PRRG2: variants seen among roughly 807,000 people sequenced by gnomAD.
The protein encoded by PRRG2 is transmembrane gamma-carboxyglutamic acid protein 2.
A neutral mutation model predicts 27.1 loss-of-function variants in PRRG2; 23 were observed. That is an observed-to-expected ratio of 0.85 (90% CI 0.61 to 1.20). The LOEUF (loss-of-function observed/expected upper bound fraction) is 1.20, where lower values mean the gene tolerates loss of function less well. PRRG2 is among the 50% of genes most tolerant of loss of function. The pLI is 0.00. For missense variants in PRRG2, 276 were observed against 254.8 expected, an observed-to-expected ratio of 1.08 and a Z score of -0.57; for synonymous variants, 104 against 103.4, an observed-to-expected ratio of 1.01 and a Z score of -0.03.
At chr19:49,586,471 A>C (rs1599776630) in intron 4 of PRRG2, among the ~76,000 whole-genome samples, 2 of 148,760 alleles carry the variant, frequency 1.3e-5, no homozygotes, top group South Asian at 4.3e-4. Context: ...TGTAGCCTTG[A>C]CCTCCTTGGG....
Position 49,590,947 on chromosome 19 carries a change from G to T in PRRG2, c.*558G>T. ...TGTTCCCCTAAATAAAAACCCTTCG[G>T]AAAGGAGACCAAAAAAAGCAGAAAT... On this transcript the variant is annotated 3_prime_UTR_variant, in exon 7 of 7. Transcript: ENST00000246794. The T allele has an allele frequency of 6.5e-6, 1 of 154,170 alleles. No homozygotes were observed. The highest frequency in any genetic ancestry group is 1.4e-5 in the Non-Finnish European group (1 of 69,120). 9.6% of individuals were successfully genotyped at this position (154,170 alleles called of 1,614,324 possible). A position where few individuals can be genotyped will look rare whatever the true frequency, so the allele number is the denominator to read the frequency against.
intron 4 of PRRG2, among the ~76,000 whole-genome samples, chr19:49,584,898 G>C (rs1435228433): frequency 6.6e-6 from 1 of 152,196 alleles, no homozygotes; most frequent in African/African-American, 2.4e-5. Flanking sequence ...TCCAGAGTAA[G>C]TGGAAAGACC....
chr19:49,590,337 T>G (rs1038385411), intron 6 of PRRG2, 34 bp from the exon 7 acceptor site: 2 of 1,613,994 alleles, frequency 1.2e-6, no homozygotes, highest in East Asian at 2.2e-5. Flanking sequence ...AACAGCCAGA[T>G]CTTTGACTCC....
chr19:49,588,971 C>T (rs1246076180), intron 5 of PRRG2, among the ~76,000 whole-genome samples: 1 of 151,948 alleles, frequency 6.6e-6, no homozygotes, highest in Admixed American at 6.6e-5. Flanking sequence ...GTCTTGGTGT[C>T]TGTGGTATGT....
rs116250452 is a variant in PRRG2, at chr19:49,586,239, G to A, written c.302-2258G>A. Among the ~76,000 whole-genome samples, 531 of 151,488 alleles carry A rather than the reference G, an allele frequency of 3.5e-3. 3 individuals carry two copies. The highest frequency in any genetic ancestry group is 0.012 in the African/African-American group (510 of 41,294). On this transcript the variant is annotated intron_variant, in intron 4 of 6. Coordinates refer to ENST00000246794, the MANE Select transcript of PRRG2 (RefSeq NM_000951.3). The stretch of plus-strand genomic sequence containing the variant: ...TGGGATTACAGGCATGCACCACCAC[G>A]CCCAGATACTTAAAATTTTTTTTGT...
rs1304735433 is a variant in PRRG2 at position 49,588,480 on chromosome 19, T to C, written c.302-17T>C. 6.3e-7 allele frequency: 1 copy of C among 1,584,784 alleles called. No homozygotes were observed. The highest frequency in any genetic ancestry group is 1.8e-5 in the Admixed American group (1 of 55,500). On this transcript the variant is annotated splice_polypyrimidine_tract_variant and intron_variant, in intron 4 of 6. Coordinates refer to ENST00000246794, the MANE Select transcript of PRRG2 (RefSeq NM_000951.3). ...CAGTCCCCGAGACAGTGTCTCCCCT[T>C]CCCTACTTTCCTGCAGGGCGTGGAC...
At chr19:49,587,573 C>A (rs1232703278) in intron 4 of PRRG2, among the ~76,000 whole-genome samples, 14 of 150,984 alleles carry the variant, frequency 9.3e-5, no homozygotes. Context: ...AAAACATCTG[C>A]CTCCTGGGTT....
At position 49,587,106 on chromosome 19, in the gene PRRG2, C is replaced by T. The variant is rs575458496; in HGVS notation, c.302-1391C>T. On this transcript the variant is annotated intron_variant, in intron 4 of 6. Coordinates refer to ENST00000246794, the MANE Select transcript of PRRG2 (RefSeq NM_000951.3). Reference sequence around the variant, plus strand: ...CTGGAGACCAAGTGGCAGTAAGCCGCGATTGTGCCACTGCACTCCATACAG... The same window carrying T: ...CTGGAGACCAAGTGGCAGTAAGCCGTGATTGTGCCACTGCACTCCATACAG... Among the ~76,000 whole-genome samples the T allele has an allele frequency of 9.3e-5, 14 of 150,542 alleles. 1 individual carries two copies. Among genetic ancestry groups the T allele is most frequent in the East Asian group, 1.9e-4 (1 of 5,130 alleles).
chr19:49,583,984 T>C (rs1327139912), intron 4 of PRRG2, 32 bp downstream of exon 4: 2 of 1,602,738 alleles, frequency 1.2e-6, no homozygotes, highest in East Asian at 4.5e-5. Context: ...TCTTGTTCTG[T>C]GCAGCTAAGG....
chr19:49,584,174 T>C (rs899397119), intron 4 of PRRG2, among the ~76,000 whole-genome samples: 2 of 141,430 alleles, frequency 1.4e-5, no homozygotes, highest in African/African-American at 5.1e-5. Flanking sequence ...TTATTTTTGC[T>C]TTTTTTTTTT....
Position 49,590,664 on chromosome 19 carries a change from C to T in PRRG2, c.*275C>T. ...TGGTCAGTTCCGCCCCCGTGGTAGGCAGACGCGCGGGGAAATTCGGACCCA... is the reference window on the plus strand; with the variant it reads ...TGGTCAGTTCCGCCCCCGTGGTAGGTAGACGCGCGGGGAAATTCGGACCCA... On this transcript the variant is annotated 3_prime_UTR_variant, in exon 7 of 7. Transcript: ENST00000246794. 1.9e-6 allele frequency: 1 copy of T among 515,892 alleles called. No individual in the cohort carries two copies. Among genetic ancestry groups the T allele is most frequent in the Non-Finnish European group, 3.4e-6 (1 of 290,162 alleles). 32.0% of individuals were successfully genotyped at this position (515,892 alleles called of 1,614,324 possible). A position where few individuals can be genotyped will look rare whatever the true frequency, so the allele number is the denominator to read the frequency against.
chr19:49,586,299 G>A (rs1000261389), intron 4 of PRRG2, among the ~76,000 whole-genome samples: 5 of 151,062 alleles, frequency 3.3e-5, no homozygotes, highest in East Asian at 2.0e-4. Context: ...TGTTGTCTAC[G>A]CTGCTCTCGA....
chr19:49,589,790 G>T (rs560880375), intron 5 of PRRG2, 110 bp from the exon 6 acceptor site: 42 of 1,252,920 alleles, frequency 3.4e-5, no homozygotes, highest in African/African-American at 2.9e-5. Context: ...CTCCCTTCCA[G>T]CTCTGTCCCA....
chr19:49,586,759 G>A (rs1170027636), intron 4 of PRRG2, among the ~76,000 whole-genome samples: 1 of 152,206 alleles, frequency 6.6e-6, no homozygotes, highest in Non-Finnish European at 1.5e-5. Flanking sequence ...GCTGAGGCAG[G>A]AGAATTGCTT....
intron 6 of PRRG2, 110 bp downstream of exon 6, chr19:49,590,162 C>A (rs1457148578): frequency 1.6e-6 from 2 of 1,258,936 alleles, no homozygotes; most frequent in African/African-American, 3.1e-5. Context: ...TTACCTGGGG[C>A]GGGGCTTGGA....
chr19:49,587,479 ATTT>A (rs1258876937), intron 4 of PRRG2, among the ~76,000 whole-genome samples: 3 of 114,642 alleles, frequency 2.6e-5, no homozygotes, highest in Non-Finnish European at 1.7e-5. Flanking sequence ...AGCCTGGTTA[ATTT>A]TTTTTTTTTT....
In PRRG2 at chr19:49,590,642, T is replaced by C. The variant is rs2080714281; in HGVS notation, c.*253T>C. The C allele has an allele frequency of 5.3e-6, 3 of 564,954 alleles. No individual in the cohort carries two copies. The South Asian group carries it at 6.6e-5, about 12-fold the overall frequency. The allele number at this position is 564,954 out of a possible 1,614,324, so 35.0% of individuals were successfully genotyped here. A position where few individuals can be genotyped will look rare whatever the true frequency, so the allele number is the denominator to read the frequency against. ...ACTCTCCTGACCGTGAGGGCACTGG[T>C]CAGTTCCGCCCCCGTGGTAGGCAGA... is the stretch of plus-strand genomic sequence containing the variant. On this transcript the variant is annotated 3_prime_UTR_variant, in exon 7 of 7. Coordinates refer to ENST00000246794, the MANE Select transcript of PRRG2 (RefSeq NM_000951.3).
Position 49,590,551 on chromosome 19 carries a change from C to A in PRRG2, c.*162C>A. The A allele has an allele frequency of 1.0e-6, 1 of 963,500 alleles. No individual in the cohort carries two copies. The allele number at this position is 963,500 out of a possible 1,614,324, so 59.7% of individuals were successfully genotyped here. On this transcript the variant is annotated 3_prime_UTR_variant, in exon 7 of 7. Transcript: ENST00000246794. Reference sequence around the variant, plus strand: ...CCTGCCCTGGCACACGCGTTTCCGCCGCGTATGGATATACACATGTTTTCG... The same window carrying A: ...CCTGCCCTGGCACACGCGTTTCCGCAGCGTATGGATATACACATGTTTTCG...
intron 4 of PRRG2, among the ~76,000 whole-genome samples, chr19:49,586,427 C>T (rs2080670503): frequency 6.6e-6 from 1 of 150,462 alleles, no homozygotes; most frequent in Non-Finnish European, 1.5e-5. Context: ...TCCAGTCACC[C>T]AGGCTGGAGT....
Sources: allele counts gnomAD v4.1 joint callset (sites outside exome capture counted in the v4.1 genomes callset), GRCh38; gene constraint gnomAD v4.1.1; transcripts MANE v1.5; gene names NCBI Gene and HGNC (gene_info 2026-07-23, HGNC 2026-07-21).